TMC1: variants seen among roughly 807,000 people sequenced by gnomAD.
TMC1 encodes transmembrane channel-like protein 1.
TMC1 carries 84 observed loss-of-function variants against 105.8 expected under a neutral mutation model. The observed-to-expected ratio is 0.79, with a 90% confidence interval of 0.67 to 0.95. The LOEUF is 0.95. TMC1 is among the 40% of genes least tolerant of loss of function. The pLI is 0.00. For missense variants in TMC1, 817 were observed against 914.1 expected, an observed-to-expected ratio of 0.89 and a Z score of 1.37; for synonymous variants, 315 against 311.5, an observed-to-expected ratio of 1.01 and a Z score of -0.12.
chr9:72,625,793 A>G (rs534004120), intron 3 of TMC1, among the ~76,000 whole-genome samples: 1 of 152,190 alleles, frequency 6.6e-6, no homozygotes, highest in East Asian at 1.9e-4. Flanking sequence ...TAGGTGGCAT[A>G]GTGACCTTGT....
intron 2 of TMC1, among the ~76,000 whole-genome samples, chr9:72,579,839 T>C (rs1404487468): frequency 6.6e-6 from 1 of 152,036 alleles, no homozygotes. Context: ...CTGGGCAACA[T>C]GGCATAACCC....
At chr9:72,599,089 G>A (rs946644499) in intron 2 of TMC1, among the ~76,000 whole-genome samples, 33 of 152,244 alleles carry the variant, frequency 2.2e-4, no homozygotes, top group African/African-American at 7.7e-4. Flanking sequence ...GGAGTACAGT[G>A]GTGCAATCTC....
chr9:72,748,324 T>G (rs1401598581), intron 10 of TMC1, among the ~76,000 whole-genome samples: 1 of 152,202 alleles, frequency 6.6e-6, no homozygotes, highest in Non-Finnish European at 1.5e-5. Context: ...ATAGATCAAA[T>G]TGGTGTTTGA....
intron 1 of TMC1, among the ~76,000 whole-genome samples, chr9:72,545,348 A>T (rs999595519): frequency 6.6e-6 from 1 of 151,954 alleles, no homozygotes; most frequent in East Asian, 1.9e-4. Flanking sequence ...AACCTTTTAC[A>T]TATATATTGG....
chr9:72,836,197 C>A lies in TMC1; in HGVS notation c.*224C>A. On this transcript the variant is annotated 3_prime_UTR_variant, in exon 24 of 24. Transcript: ENST00000297784. ...CAGAAACTGTTTCTGCAGAGCCACT[C>A]TCTCCCCTGCTCCATTTCGTGACTT... 3.3e-6 allele frequency: 2 copies of A among 600,532 alleles called. No homozygotes were observed. Among genetic ancestry groups the A allele is most frequent in the Non-Finnish European group, 5.9e-6 (2 of 336,474 alleles). 37.2% of individuals were successfully genotyped at this position (600,532 alleles called of 1,614,324 possible).
At chr9:72,742,378 T>C in intron 9 of TMC1, 66 bp from the exon 10 acceptor site, 1 of 1,238,166 alleles carries the variant, frequency 8.1e-7, no homozygotes, top group African/African-American at 1.5e-5. Context: ...TGTTTTGAGG[T>C]GGGGGATAAA....
chr9:72,578,883 CA>C, intron 2 of TMC1, among the ~76,000 whole-genome samples: 1 of 152,278 alleles, frequency 6.6e-6, no homozygotes, highest in East Asian at 1.9e-4. Context: ...TGGGGCATCT[CA>C]GAATCGTAAA....
chr9:72,806,371 C>G (rs575816330), intron 18 of TMC1, among the ~76,000 whole-genome samples: 2 of 140,814 alleles, frequency 1.4e-5, no homozygotes, highest in East Asian at 4.6e-4. Flanking sequence ...ACCTCCCTCC[C>G]GGACGGGGCG....
At chr9:72,540,241 T>C (rs1474784178) in intron 1 of TMC1, among the ~76,000 whole-genome samples, 1 of 152,174 alleles carries the variant, frequency 6.6e-6, no homozygotes, top group Non-Finnish European at 1.5e-5. Flanking sequence ...ACCTTGTTTC[T>C]TGTTGTTTTC....
intron 12 of TMC1, among the ~76,000 whole-genome samples, chr9:72,758,469 G>C (rs1281054249): frequency 6.6e-6 from 1 of 152,204 alleles, no homozygotes; most frequent in Non-Finnish European, 1.5e-5. Context: ...AGTAGTCACT[G>C]GTAATAAGAC....
At chr9:72,791,846 A>G in intron 15 of TMC1, 40 bp from the exon 16 acceptor site, 2 of 1,569,798 alleles carry the variant, frequency 1.3e-6, no homozygotes, top group Non-Finnish European at 8.7e-7. Context: ...AATAACTTTA[A>G]ACACCATTAA....
chr9:72,675,281 C>T (rs962450796), intron 5 of TMC1, among the ~76,000 whole-genome samples: 2 of 152,082 alleles, frequency 1.3e-5, no homozygotes, highest in African/African-American at 2.4e-5. Flanking sequence ...ATCGGGGAGG[C>T]TAAGTAGCTT....
At chr9:72,756,274 C>T (rs562659891) in intron 12 of TMC1, among the ~76,000 whole-genome samples, 162 of 152,106 alleles carry the variant, frequency 1.1e-3, no homozygotes, top group African/African-American at 3.8e-3. Flanking sequence ...AAGGAAGACA[C>T]GTAAGCAACC....
At chr9:72,582,201 C>A (rs186083929) in intron 2 of TMC1, among the ~76,000 whole-genome samples, 2 of 152,220 alleles carry the variant, frequency 1.3e-5, no homozygotes, top group Non-Finnish European at 2.9e-5. Context: ...AGGTGATCCA[C>A]CCGCCTCAGT....
chr9:72,539,834 C>T (rs1823645535), intron 1 of TMC1, among the ~76,000 whole-genome samples: 1 of 152,046 alleles, frequency 6.6e-6, no homozygotes, highest in Non-Finnish European at 1.5e-5. Context: ...AAACGAATAC[C>T]GGAGGATGGG....
At chr9:72,733,928 C>A (rs1303756284) in intron 8 of TMC1, among the ~76,000 whole-genome samples, 1 of 152,064 alleles carries the variant, frequency 6.6e-6, no homozygotes, top group African/African-American at 2.4e-5. Flanking sequence ...TTTGGCATAT[C>A]CAAATTGCCA....
At chr9:72,671,595 G>A (rs35818593) in intron 5 of TMC1, among the ~76,000 whole-genome samples, 7,773 of 152,148 alleles carry the variant, frequency 0.051, 241 homozygotes, top group Non-Finnish European at 0.062. Flanking sequence ...CAAAAACAAA[G>A]AAGAGATGGG....
At position 72,836,326 on chromosome 9, in the gene TMC1, C is replaced by T. The variant is rs1261785388; in HGVS notation, c.*353C>T. The stretch of plus-strand genomic sequence containing the variant: ...ATTAAAAAAAATTTGCTCATATGAA[C>T]TTTCATTTTATATGTTTCTTTTGCC... On this transcript the variant is annotated 3_prime_UTR_variant, in exon 24 of 24. Transcript: ENST00000297784. The T allele has an allele frequency of 3.9e-6, 1 of 259,106 alleles. No individual in the cohort carries two copies. The highest frequency in any genetic ancestry group is 2.2e-5 in the African/African-American group (1 of 44,550). The allele number at this position is 259,106 out of a possible 1,614,324, so 16.1% of individuals were successfully genotyped here. A position where few individuals can be genotyped will look rare whatever the true frequency, so the allele number is the denominator to read the frequency against.
intron 18 of TMC1, among the ~76,000 whole-genome samples, chr9:72,815,075 C>G (rs905878293): frequency 6.6e-6 from 1 of 151,986 alleles, no homozygotes. Context: ...CCTCTCATTT[C>G]GTATTTACTG....
Sources: gnomAD v4.1 joint callset for allele counts (sites outside exome capture counted in the v4.1 genomes callset) on GRCh38, gnomAD v4.1.1 for gene constraint, MANE v1.5 for transcripts, NCBI Gene and HGNC (gene_info 2026-07-23, HGNC 2026-07-21) for gene names.